Variants in WDFY3 observed in about 807,000 individuals in gnomAD.
The protein encoded by WDFY3 is WD repeat and FYVE domain containing 3, also known as WD repeat and FYVE domain-containing protein 3.
Under a neutral mutation model 409.6 loss-of-function variants are expected in WDFY3, and 66 were observed. That is an observed-to-expected ratio of 0.16 (90% CI 0.13 to 0.20). WDFY3 has a LOEUF of 0.20. Among genes scored for constraint, WDFY3 ranks in the 10% least tolerant of loss-of-function variants. WDFY3 has a pLI of 1.00. For missense variants in WDFY3, 3,031 were observed against 4,298.1 expected (o/e 0.71, Z 8.24); for synonymous variants, 1,521 against 1,537.1 (o/e 0.99, Z 0.25).
At chr4:84,929,227 G>C (rs187578488) in intron 2 of WDFY3, among the ~76,000 whole-genome samples, 3 of 152,068 alleles carry the variant, frequency 2.0e-5, no homozygotes, top group Non-Finnish European at 4.4e-5. Context: ...TCAACAATCA[G>C]TGAAGAACTA....
At chr4:84,713,038 T>G in intron 51 of WDFY3, 121 bp downstream of exon 51, 1 of 999,922 alleles carries the variant, frequency 1.0e-6, no homozygotes, top group African/African-American at 1.6e-5. Context: ...AGTATTTTTT[T>G]AAAAAAATTT....
chr4:84,957,819 T>C (rs1774434585), intron 1 of WDFY3, among the ~76,000 whole-genome samples: 1 of 152,234 alleles, frequency 6.6e-6, no homozygotes, highest in African/African-American at 2.4e-5. Flanking sequence ...AGGACTCATG[T>C]TTCACAGTTT....
chr4:84,735,944 T>G (rs1400297775), intron 42 of WDFY3, among the ~76,000 whole-genome samples: 1 of 152,236 alleles, frequency 6.6e-6, no homozygotes, highest in Non-Finnish European at 1.5e-5. Flanking sequence ...TACATTAATC[T>G]CTAAATCTCA....
chr4:84,844,441 T>C, intron 5 of WDFY3: 1 of 1,288,956 alleles, frequency 7.8e-7, no homozygotes, highest in Non-Finnish European at 1.0e-6. Flanking sequence ...AACCACATCT[T>C]GGGAATGAAA....
At chr4:84,717,176 C>T (rs112928379) in intron 48 of WDFY3, among the ~76,000 whole-genome samples, 160 bp from the exon 49 acceptor site, 14 of 152,248 alleles carry the variant, frequency 9.2e-5, no homozygotes, top group African/African-American at 3.4e-4. Flanking sequence ...AATTTGTTAG[C>T]TACCTGAGAT....
chr4:84,740,278 C>CA lies in WDFY3; in HGVS notation c.6372dup (p.Val2125CysfsTer13). ...GGTCCCAGGATCAAGTTTCTGTTTACAGTGAGGACCCTGAGTGAATCAAGC... is the reference window on the plus strand; with the variant it reads ...GGTCCCAGGATCAAGTTTCTGTTTACAAGTGAGGACCCTGAGTGAATCAAGC... On this transcript the variant is annotated frameshift_variant, in exon 39 of 68. Transcript: ENST00000295888. LOFTEE classifies it high-confidence loss of function. 6.2e-7 allele frequency: 1 copy of CA among 1,614,020 alleles called. No individual in the cohort carries two copies. The highest frequency in any genetic ancestry group is 1.7e-5 in the Admixed American group (1 of 60,000).
chr4:84,782,240 A>T (rs1746654051), intron 25 of WDFY3, among the ~76,000 whole-genome samples: 1 of 152,208 alleles, frequency 6.6e-6, no homozygotes, highest in Non-Finnish European at 1.5e-5. Flanking sequence ...CTATATACCA[A>T]ATCATGAAAC....
chr4:84,698,506 C>G (rs1331080487), intron 56 of WDFY3, among the ~76,000 whole-genome samples: 1 of 151,988 alleles, frequency 6.6e-6, no homozygotes, highest in East Asian at 1.9e-4. Flanking sequence ...CTCCTGGCCT[C>G]AAGTGATGCT....
At chr4:84,726,961 A>G (rs1249733804) in intron 44 of WDFY3, 50 bp from the exon 45 acceptor site, 1 of 1,521,128 alleles carries the variant, frequency 6.6e-7, no homozygotes, top group South Asian at 1.2e-5. Flanking sequence ...AAACATAAAG[A>G]GGAACACAAA....
chr4:84,716,291 T>G (rs1733891600), intron 49 of WDFY3, among the ~76,000 whole-genome samples: 1 of 150,474 alleles, frequency 6.6e-6, no homozygotes, highest in African/African-American at 2.4e-5. Flanking sequence ...AGAAAAAAAT[T>G]AGCTGGGCGT....
At chr4:84,884,978 T>C (rs1290527064) in intron 3 of WDFY3, among the ~76,000 whole-genome samples, 1 of 152,168 alleles carries the variant, frequency 6.6e-6, no homozygotes, top group Non-Finnish European at 1.5e-5. Context: ...ATACAGCTAA[T>C]AGAAGAACAT....
At chr4:84,704,287 G>T in intron 55 of WDFY3, 51 bp downstream of exon 55, 1 of 1,299,944 alleles carries the variant, frequency 7.7e-7, no homozygotes, top group Non-Finnish European at 1.1e-6. Context: ...TGACATTTTA[G>T]ATAGAAGTAG....
At chr4:84,821,753 CATT>C (rs1426513256) in intron 10 of WDFY3, among the ~76,000 whole-genome samples, 1 of 152,072 alleles carries the variant, frequency 6.6e-6, no homozygotes, top group Middle Eastern at 3.2e-3. Context: ...AACTTTAATG[CATT>C]ATTATGAATA....
chr4:84,782,149 T>C (rs1408141702), intron 25 of WDFY3, among the ~76,000 whole-genome samples: 1 of 152,200 alleles, frequency 6.6e-6, no homozygotes, highest in Non-Finnish European at 1.5e-5. Flanking sequence ...ACGCTCTAAA[T>C]TTTTATTATA....
At chr4:84,839,432 C>G (rs1417706637) in intron 6 of WDFY3, among the ~76,000 whole-genome samples, 3 of 152,076 alleles carry the variant, frequency 2.0e-5, no homozygotes, top group Non-Finnish European at 4.4e-5. Context: ...TTGAAGATTA[C>G]TTACAATAAC....
In WDFY3 at chr4:84,910,432, G is replaced by A. The variant is rs144444124; in HGVS notation, c.-131-13422C>T. 5.3e-5 allele frequency among the ~76,000 whole-genome samples: 8 copies of A among 152,078 alleles called. No homozygotes were observed. In the East Asian group the frequency reaches 1.4e-3, roughly 26 times the overall value. On this transcript the variant is annotated intron_variant, in intron 2 of 67. Coordinates refer to ENST00000295888, the MANE Select transcript of WDFY3 (RefSeq NM_014991.6). The stretch of plus-strand genomic sequence containing the variant: ...TAATAAATCAAATATATAATATAAT[G>A]TAATCAAAACAGTATGGTACTAGCA...
At position 84,737,367 on chromosome 4, in the gene WDFY3, CTAG is replaced by C; in HGVS notation, c.6575-4_6575-2del. The stretch of plus-strand genomic sequence containing the variant: ...ACAGCTTTTATGAGAAGCTGACGCC[CTAG>C]TAAACAAACAAACAAACAAACAAAA... On this transcript the variant is annotated splice_acceptor_variant and splice_polypyrimidine_tract_variant and intron_variant, in intron 40 of 67. Transcript: ENST00000295888. LOFTEE classifies it high-confidence loss of function. The C allele has an allele frequency of 2.6e-6, 4 of 1,546,618 alleles. No individual in the cohort carries two copies. Among genetic ancestry groups the C allele is most frequent in the Non-Finnish European group, 3.5e-6 (4 of 1,148,270 alleles).
intron 1 of WDFY3, among the ~76,000 whole-genome samples, chr4:84,939,965 A>G (rs374587827): frequency 1.3e-5 from 2 of 152,150 alleles, no homozygotes; most frequent in African/African-American, 4.8e-5. Context: ...ATTTATGTAC[A>G]TATGTCTGTA....
At chr4:84,724,784 A>G (rs1171237791) in intron 45 of WDFY3, among the ~76,000 whole-genome samples, 190 bp from the exon 46 acceptor site, 1 of 152,176 alleles carries the variant, frequency 6.6e-6, no homozygotes, top group Non-Finnish European at 1.5e-5. Context: ...TGATTTTTTA[A>G]AAGACATACA....
Sources: gnomAD v4.1 joint callset for allele counts (sites outside exome capture counted in the v4.1 genomes callset) on GRCh38, gnomAD v4.1.1 for gene constraint, MANE v1.5 for transcripts, NCBI Gene and HGNC (gene_info 2026-07-23, HGNC 2026-07-21) for gene names.